The following ACACA variants were observed in gnomAD, a reference collection of about 807,000 sequenced individuals.
ACACA encodes acetyl-CoA carboxylase 1.
In ACACA, 103 loss-of-function variants were observed where a neutral mutation model predicts 296.1. The observed-to-expected ratio is 0.35, with a 90% CI of 0.30 to 0.41. The LOEUF is 0.41. ACACA is among the 10% of genes least tolerant of loss of function. The probability of loss-of-function intolerance (pLI) is 1.00; values close to 1 mark genes in which losing one functional copy is unlikely to be tolerated. For missense variants in ACACA, 1,554 were observed against 2,989.7 expected, an observed-to-expected ratio of 0.52 and a Z score of 11.20; for synonymous variants, 953 against 1,038.6, an observed-to-expected ratio of 0.92 and a Z score of 1.58.
intron 45 of ACACA, among the ~76,000 whole-genome samples, chr17:37,149,235 T>C (rs1039830847): frequency 3.3e-5 from 5 of 152,208 alleles, no homozygotes; most frequent in Non-Finnish European, 5.9e-5. Flanking sequence ...TCTTTCCCAG[T>C]AACCCATCCA....
chr17:37,339,831 A>C lies in ACACA; in HGVS notation c.58T>G (p.Ser20Ala), dbSNP rs777439786. Residue 20 changes from serine to alanine, a missense_variant, in exon 2 of 56, where the codon TCT becomes GCT. This residue lies in a region of ACACA where 140 missense variants were observed against 147.7 expected (regional missense o/e 0.95). Transcript: ENST00000616317. ...CTTATAATTCTTACTGTCTGAGTAG[A>C]TATCCACTTCCAAAAAGACCTAGAG... Reference protein sequence around the residue: ...LRARSFWKWISTQTVRIIRAV... With the variant: ...LRARSFWKWIATQTVRIIRAV... 2 of 1,379,934 alleles carry C rather than the reference A, an allele frequency of 1.4e-6. No individual in the cohort carries two copies. Among genetic ancestry groups the C allele is most frequent in the Non-Finnish European group, 2.0e-6 (2 of 977,330 alleles). The allele number at this position is 1,379,934 out of a possible 1,614,324, so 85.5% of individuals were successfully genotyped here. A position where few individuals can be genotyped will look rare whatever the true frequency, so the allele number is the denominator to read the frequency against.
intron 19 of ACACA, among the ~76,000 whole-genome samples, chr17:37,246,208 T>C (rs978517807): frequency 6.6e-6 from 1 of 152,210 alleles, no homozygotes; most frequent in Non-Finnish European, 1.5e-5. Flanking sequence ...TCACATGACA[T>C]TTCTTGTCTG....
intron 1 of ACACA, chr17:37,369,399 G>A (rs1322887147): frequency 6.6e-6 from 1 of 152,396 alleles, no homozygotes; most frequent in Non-Finnish European, 1.5e-5. Context: ...GGTGGCTGAG[G>A]TGGGAGGATT....
At chr17:37,274,129 T>A in intron 9 of ACACA, 64 bp downstream of exon 9, 1 of 1,391,950 alleles carries the variant, frequency 7.2e-7, no homozygotes, top group Non-Finnish European at 1.0e-6. Flanking sequence ...AGGCTCCCAA[T>A]CTCCACATTT....
chr17:37,228,881 C>T (rs1161286467), intron 25 of ACACA, among the ~76,000 whole-genome samples: 3 of 152,090 alleles, frequency 2.0e-5, no homozygotes, highest in African/African-American at 4.8e-5. Flanking sequence ...CGGTGGCTCA[C>T]GCCTGTAATC....
At chr17:37,375,982 G>A in intron 1 of ACACA, 1 of 827,664 alleles carries the variant, frequency 1.2e-6, no homozygotes. Flanking sequence ...AGTCTCTCAG[G>A]GTCAAACTTG....
intron 21 of ACACA, 76 bp downstream of exon 21, chr17:37,244,511 CA>C: frequency 6.4e-7 from 1 of 1,557,652 alleles, no homozygotes; most frequent in South Asian, 1.1e-5. Context: ...CTTAAACAAT[CA>C]TTATGAGACT....
intron 14 of ACACA, among the ~76,000 whole-genome samples, chr17:37,254,303 A>G (rs1331428359): frequency 6.6e-6 from 1 of 152,212 alleles, no homozygotes; most frequent in Non-Finnish European, 1.5e-5. Context: ...GCTGATAATT[A>G]TAACTGTGAG....
intron 28 of ACACA, 195 bp from the exon 29 acceptor site, chr17:37,222,037 C>G: frequency 3.3e-6 from 2 of 602,950 alleles, no homozygotes. Flanking sequence ...ACCATGACTA[C>G]TAATGAAAAC....
At chr17:37,178,095 A>G (rs2077185829) in intron 41 of ACACA, among the ~76,000 whole-genome samples, 1 of 152,210 alleles carries the variant, frequency 6.6e-6, no homozygotes, top group Admixed American at 6.5e-5. Context: ...TAGGGATTAT[A>G]TTTAAGGTTG....
intron 1 of ACACA, among the ~76,000 whole-genome samples, chr17:37,402,338 A>C (rs994835191): frequency 6.6e-6 from 1 of 152,126 alleles, no homozygotes; most frequent in African/African-American, 2.4e-5. Context: ...GGCAAAAAAA[A>C]CCTTGAAGTT....
At chr17:37,194,933 A>AACCCCCC (rs2077922268) in intron 35 of ACACA, among the ~76,000 whole-genome samples, 1 of 150,450 alleles carries the variant, frequency 6.6e-6, no homozygotes, top group African/African-American at 2.5e-5. Context: ...ATTCTCTGAC[A>AACCCCCC]CCCCCCCCAC....
intron 3 of ACACA, among the ~76,000 whole-genome samples, chr17:37,298,235 T>C (rs1289365778): frequency 6.6e-6 from 1 of 151,958 alleles, no homozygotes; most frequent in Non-Finnish European, 1.5e-5. Flanking sequence ...ACAGAGGCAG[T>C]TGGGGGAAAA....
chr17:37,328,032 C>A (rs530262003), intron 3 of ACACA, among the ~76,000 whole-genome samples: 1 of 152,294 alleles, frequency 6.6e-6, no homozygotes, highest in Admixed American at 6.5e-5. Context: ...CTTTTCCCTG[C>A]CACTAAAATA....
chr17:37,248,484 T>G, intron 17 of ACACA, 109 bp downstream of exon 17: 1 of 862,972 alleles, frequency 1.2e-6, no homozygotes, highest in South Asian at 1.4e-5. Context: ...GACGGTAATT[T>G]CACTAATACC....
At chr17:37,259,937 T>A (rs993958371) in intron 11 of ACACA, among the ~76,000 whole-genome samples, 1 of 150,316 alleles carries the variant, frequency 6.7e-6, no homozygotes, top group Non-Finnish European at 1.5e-5. Flanking sequence ...TGGAGTCCAG[T>A]GGCACAATCT....
chr17:37,135,702 T>C (rs2075301643), intron 45 of ACACA, among the ~76,000 whole-genome samples: 1 of 151,910 alleles, frequency 6.6e-6, no homozygotes, highest in Non-Finnish European at 1.5e-5. Context: ...ACAATAAGGA[T>C]TTGAAGGTGG....
Position 37,405,729 on chromosome 17 carries a change from T to C in ACACA, c.38+533A>G, listed in dbSNP as rs201377272. On this transcript the variant is annotated intron_variant, in intron 1 of 55. Transcript: ENST00000616317. ...CACCACACCCGCGTAATTTTTTGTA[T>C]TTTTAGTAGAGACGGGATTTCACCA... 3.3e-5 allele frequency among the ~76,000 whole-genome samples: 5 copies of C among 152,108 alleles called. No homozygotes were observed. In the East Asian group the frequency reaches 9.6e-4, roughly 29 times the overall value.
chr17:37,372,879 T>TG (rs2049857327), intron 1 of ACACA, among the ~76,000 whole-genome samples: 1 of 151,518 alleles, frequency 6.6e-6, no homozygotes. Context: ...CACTTGGATT[T>TG]TTTTTTTTTT....
Sources: gnomAD v4.1 joint callset for allele counts (sites outside exome capture counted in the v4.1 genomes callset) on GRCh38, gnomAD v4.1.1 for gene constraint, gnomAD v4.1.1 regional missense constraint, MANE v1.5 for transcripts, NCBI Gene and HGNC (gene_info 2026-07-23, HGNC 2026-07-21) for gene names.